Variants in DAPK1 observed in about 807,000 individuals in gnomAD.
DAPK1 encodes the protein death-associated protein kinase 1.
In DAPK1, 56 loss-of-function variants were observed where a neutral mutation model predicts 144.9. That is an observed-to-expected ratio of 0.39 (90% CI 0.31 to 0.48). DAPK1 has a LOEUF of 0.48. Ranked by LOEUF, DAPK1 falls within the 20% of genes least tolerant of loss-of-function variation. The pLI is 0.95. For missense variants in DAPK1, 1,454 were observed against 1,875.4 expected (o/e 0.78, Z 4.15); for synonymous variants, 690 against 749.0 (o/e 0.92, Z 1.29).
At chr9:87,603,525 CTGCTAAAGTAAA>C (rs1409711507) in intron 2 of DAPK1, among the ~76,000 whole-genome samples, 5 of 152,230 alleles carry the variant, frequency 3.3e-5, no homozygotes, top group Non-Finnish European at 5.9e-5. Flanking sequence ...TGGCCTCCTA[CTGCTAAAGTAAA>C]TGAGTAACGT....
intron 3 of DAPK1, among the ~76,000 whole-genome samples, chr9:87,628,341 G>T (rs572532271): frequency 6.6e-6 from 1 of 152,208 alleles, no homozygotes; most frequent in Non-Finnish European, 1.5e-5. Context: ...TAGGAACTTC[G>T]TTGATATGAT....
At chr9:87,658,282 C>T (rs1015802106) in intron 18 of DAPK1, among the ~76,000 whole-genome samples, 155 bp downstream of exon 18, 1 of 152,214 alleles carries the variant, frequency 6.6e-6, no homozygotes, top group Non-Finnish European at 1.5e-5. Flanking sequence ...CATAGACATT[C>T]GCCTACACAT....
intron 2 of DAPK1, among the ~76,000 whole-genome samples, chr9:87,535,135 G>A (rs1008784171): frequency 6.6e-6 from 1 of 152,012 alleles, no homozygotes; most frequent in Non-Finnish European, 1.5e-5. Context: ...TTTTCTGTGT[G>A]TTTCTAGCCC....
At position 87,637,510 on chromosome 9, in the gene DAPK1, A is replaced by T. The variant is rs36211017; in HGVS notation, c.285-433A>T. On this transcript the variant is annotated intron_variant, in intron 3 of 25. Coordinates refer to ENST00000408954, the MANE Select transcript of DAPK1 (RefSeq NM_004938.4). ...AATTTGAGTTTTAAAGAATTAATTA[A>T]ACATGCAAGTTATGAACTTTTCAGG... Among the ~76,000 whole-genome samples the T allele has an allele frequency of 3.9e-4, 59 of 152,340 alleles. 1 individual carries two copies. The East Asian group carries it at 9.4e-3, about 24-fold the overall frequency.
intron 3 of DAPK1, among the ~76,000 whole-genome samples, chr9:87,636,900 C>T (rs1418528270): frequency 1.3e-5 from 2 of 152,140 alleles, no homozygotes; most frequent in African/African-American, 2.4e-5. Flanking sequence ...GGAGCTTGTT[C>T]GTCCATCCAC....
At chr9:87,597,390 C>T (rs1828356566) in intron 2 of DAPK1, among the ~76,000 whole-genome samples, 1 of 152,062 alleles carries the variant, frequency 6.6e-6, no homozygotes, top group Non-Finnish European at 1.5e-5. Flanking sequence ...ATGAAAATAG[C>T]TTTGTTGAGT....
chr9:87,652,670 C>T (rs1315993489), intron 17 of DAPK1, among the ~76,000 whole-genome samples: 1 of 145,130 alleles, frequency 6.9e-6, no homozygotes, highest in Non-Finnish European at 1.5e-5. Flanking sequence ...TGCCCCCGAT[C>T]CTGGGTCCTG....
chr9:87,684,204 G>T (rs1439509498), intron 20 of DAPK1, among the ~76,000 whole-genome samples: 1 of 152,236 alleles, frequency 6.6e-6, no homozygotes, highest in Non-Finnish European at 1.5e-5. Context: ...TGTGTTGGGG[G>T]CCAACGGAGC....
chr9:87,580,487 A>G (rs1827714464), intron 2 of DAPK1, among the ~76,000 whole-genome samples: 3 of 152,210 alleles, frequency 2.0e-5, no homozygotes, highest in Admixed American at 2.0e-4. Flanking sequence ...TACTTTTTAG[A>G]CAACTTGCCC....
intron 3 of DAPK1, among the ~76,000 whole-genome samples, chr9:87,624,241 C>T (rs1829411794): frequency 2.0e-5 from 3 of 152,206 alleles, no homozygotes; most frequent in Admixed American, 6.5e-5. Context: ...AGAGGGGACC[C>T]CCTTCCAAGA....
intron 18 of DAPK1, among the ~76,000 whole-genome samples, chr9:87,662,810 T>C (rs1276856249): frequency 6.6e-6 from 1 of 152,032 alleles, no homozygotes; most frequent in African/African-American, 2.4e-5. Context: ...TTTGGATGCC[T>C]CTATTCCTCT....
At chr9:87,676,535 A>G (rs1824390496) in intron 19 of DAPK1, among the ~76,000 whole-genome samples, 1 of 152,088 alleles carries the variant, frequency 6.6e-6, no homozygotes, top group East Asian at 1.9e-4. Flanking sequence ...ATCAGCTGAG[A>G]TTTTCTTGTG....
intron 19 of DAPK1, 75 bp from the exon 20 acceptor site, chr9:87,681,329 G>A (rs576428131): frequency 2.3e-5 from 19 of 813,740 alleles, no homozygotes; most frequent in South Asian, 3.1e-5. Flanking sequence ...ACTGCACACC[G>A]GGGATTAGGA....
At chr9:87,540,283 G>A (rs184388643) in intron 2 of DAPK1, among the ~76,000 whole-genome samples, 85 of 134,860 alleles carry the variant, frequency 6.3e-4, no homozygotes, top group Middle Eastern at 4.1e-3. Flanking sequence ...TCTGCCTCCC[G>A]CGCCCAAGTG....
chr9:87,532,271 C>A (rs922973501), intron 2 of DAPK1, among the ~76,000 whole-genome samples: 1 of 152,140 alleles, frequency 6.6e-6, no homozygotes, highest in Admixed American at 6.5e-5. Flanking sequence ...TTAAAAAGAA[C>A]AGTATTTTGT....
Position 87,598,868 on chromosome 9 carries a change from G to T in DAPK1, c.63-6086G>T, listed in dbSNP as rs556530417. 2.0e-5 allele frequency among the ~76,000 whole-genome samples: 3 copies of T among 152,282 alleles called. No individual in the cohort carries two copies. The East Asian group carries it at 5.8e-4, about 29-fold the overall frequency. ...TGAGAATCAACTTGGGTTTCTTTCT[G>T]ATTGTTACTAGAATGCTTCCTGAAT... On this transcript the variant is annotated intron_variant, in intron 2 of 25. Transcript: ENST00000408954.
chr9:87,619,841 A>C (rs1345527048), intron 3 of DAPK1, among the ~76,000 whole-genome samples: 2 of 152,190 alleles, frequency 1.3e-5, no homozygotes, highest in Non-Finnish European at 2.9e-5. Context: ...CATCTGGTAG[A>C]GTCATGCCCA....
At chr9:87,540,546 T>C (rs1826011629) in intron 2 of DAPK1, among the ~76,000 whole-genome samples, 1 of 152,158 alleles carries the variant, frequency 6.6e-6, no homozygotes, top group Non-Finnish European at 1.5e-5. Flanking sequence ...CACAGGTCTG[T>C]ATATATAGGA....
Position 87,548,226 on chromosome 9 carries a change from C to G in DAPK1, c.62+49087C>G, listed in dbSNP as rs370651215. Among the ~76,000 whole-genome samples the G allele has an allele frequency of 7.5e-4, 115 of 152,350 alleles. No homozygotes were observed. In the South Asian group the frequency reaches 0.018, roughly 24 times the overall value. The stretch of plus-strand genomic sequence containing the variant: ...TCACCATTACCTTTCGCAAGGCCCC[C>G]TTGGCTTGGAGGGGCAAAGCTGTTT... On this transcript the variant is annotated intron_variant, in intron 2 of 25. Coordinates refer to ENST00000408954, the MANE Select transcript of DAPK1 (RefSeq NM_004938.4).
Sources: allele counts gnomAD v4.1 joint callset (sites outside exome capture counted in the v4.1 genomes callset), GRCh38; gene constraint gnomAD v4.1.1; transcripts MANE v1.5; gene names NCBI Gene and HGNC (gene_info 2026-07-23, HGNC 2026-07-21).